Variants in B9D1 observed in about 807,000 individuals in gnomAD.
B9D1 encodes the protein B9 domain-containing protein 1.
A neutral mutation model predicts 26.1 loss-of-function variants in B9D1; 20 were observed. That is an observed-to-expected ratio of 0.77 (90% CI 0.54 to 1.12). The LOEUF (loss-of-function observed/expected upper bound fraction) is 1.12. B9D1 is among the 50% of genes most tolerant of loss of function. The pLI, the probability that B9D1 is intolerant of heterozygous loss-of-function variation, is 0.00. For missense variants in B9D1, 260 were observed against 273.7 expected (o/e 0.95, Z 0.35); for synonymous variants, 105 against 103.1 (o/e 1.02, Z -0.11).
chr17:19,347,724 G>T lies in B9D1; in HGVS notation c.341+60C>A. ...CCAGCCTGAACCTAAGACAGAAAAC[G>T]AGGTGAAGTCTGTCCTAGGACAAGT... On this transcript the variant is annotated intron_variant, in intron 4 of 6. Coordinates refer to ENST00000261499, the MANE Select transcript of B9D1 (RefSeq NM_015681.6). This position sits in a 1 kb window ranked among gnomAD's most constrained non-coding sequence, Gnocchi z 4.3. The T allele has an allele frequency of 6.6e-7, 1 of 1,514,290 alleles. No individual in the cohort carries two copies. The highest frequency in any genetic ancestry group is 1.1e-5 in the South Asian group (1 of 87,548). The allele number at this position is 1,514,290 out of a possible 1,614,324, so 93.8% of individuals were successfully genotyped here.
downstream of B9D1, chr17:19,334,905 A>G (rs1334395051): frequency 6.5e-6 from 1 of 154,136 alleles, no homozygotes; most frequent in South Asian, 2.0e-4. This position sits in a 1 kb window ranked among gnomAD's most constrained non-coding sequence, Gnocchi z 4.9. Context: ...AGAATTATCT[A>G]ATAGTCTTTT....
At position 19,352,741 on chromosome 17, in the gene B9D1, G is replaced by A. The variant is rs190748513; in HGVS notation, c.245-4861C>T. Among the ~76,000 whole-genome samples, 11 of 151,990 alleles carry A rather than the reference G, an allele frequency of 7.2e-5. No individual in the cohort carries two copies. The East Asian group carries it at 1.5e-3, about 21-fold the overall frequency. On this transcript the variant is annotated intron_variant, in intron 3 of 6. Transcript: ENST00000261499. ...TCTCCATGTTGGCCAGGCTGGTCTC[G>A]AACTCCCGACCTCAGGGGATCCGCC...
In B9D1 at chr17:19,343,869, G is replaced by C. The variant is rs754635538; in HGVS notation, c.405-12C>G. 12 of 1,613,850 alleles carry C rather than the reference G, an allele frequency of 7.4e-6. No individual in the cohort carries two copies. Among genetic ancestry groups the C allele is most frequent in the South Asian group, 2.2e-5 (2 of 91,074 alleles). ...GCCCCATGAACCAGCTGGGAACACA[G>C]AAGAACACAGGTGAGCAGGGCCCCA... On this transcript the variant is annotated splice_polypyrimidine_tract_variant and intron_variant, in intron 5 of 6. Coordinates refer to ENST00000261499, the MANE Select transcript of B9D1 (RefSeq NM_015681.6).
intron 1 of B9D1, among the ~76,000 whole-genome samples, chr17:19,361,021 T>C (rs1182523169): frequency 1.3e-5 from 2 of 152,074 alleles, no homozygotes; most frequent in Non-Finnish European, 2.9e-5. Flanking sequence ...GTCAGATCAG[T>C]GGCGGCATTA....
At chr17:19,368,335 C>A (rs1911704038) in intron 1 of B9D1, among the ~76,000 whole-genome samples, 1 of 152,166 alleles carries the variant, frequency 6.6e-6, no homozygotes, top group African/African-American at 2.4e-5. Context: ...CTAGGCATGC[C>A]CCCTTTACCC....
chr17:19,360,510 G>T (rs974136787), intron 1 of B9D1, 122 bp from the exon 2 acceptor site: 13 of 831,638 alleles, frequency 1.6e-5, no homozygotes, highest in African/African-American at 3.3e-5. Context: ...TCTAAGAGAC[G>T]GCTGGAGATG....
chr17:19,360,252 G>T, intron 2 of B9D1, 68 bp downstream of exon 2: 1 of 1,431,400 alleles, frequency 7.0e-7, no homozygotes, highest in Non-Finnish European at 9.9e-7. Context: ...GGGAGGGGAA[G>T]GATATGACAC....
chr17:19,342,200 C>T (rs1336980152), downstream of B9D1, among the ~76,000 whole-genome samples: 1 of 152,114 alleles, frequency 6.6e-6, no homozygotes, highest in Non-Finnish European at 1.5e-5. Flanking sequence ...TCAGTAAGGC[C>T]AGAAGGCAGA....
intron 1 of B9D1, chr17:19,371,979 G>C: frequency 6.6e-6 from 1 of 152,244 alleles, no homozygotes; most frequent in East Asian, 1.9e-4. Context: ...TGTGTGTAAA[G>C]AAGGAAAACC....
intron 5 of B9D1, chr17:19,344,556 G>C (rs774677239): frequency 1.6e-5 from 4 of 247,848 alleles, no homozygotes; most frequent in South Asian, 1.3e-4. Flanking sequence ...ACTATTCCCG[G>C]CCGGGTGGGT....
chr17:19,347,037 CAA>C lies in B9D1; in HGVS notation c.404+230_404+231del, dbSNP rs558349519. On this transcript the variant is annotated intron_variant, in intron 5 of 6. Coordinates refer to ENST00000261499, the MANE Select transcript of B9D1 (RefSeq NM_015681.6). This position sits in a 1 kb window ranked among gnomAD's most constrained non-coding sequence, Gnocchi z 4.3. ...AGTTTTTCCTCTGCTCCCTCAGACA[CAA>C]AGATTTTTCACAGGGCACAGGGTAA... 1 of 1,547,572 alleles carries C rather than the reference CAA, an allele frequency of 6.5e-7. No individual in the cohort carries two copies. The highest frequency in any genetic ancestry group is 1.2e-5 in the South Asian group (1 of 83,782).
chr17:19,353,353 A>C, intron 3 of B9D1, among the ~76,000 whole-genome samples: 1 of 151,870 alleles, frequency 6.6e-6, no homozygotes, highest in South Asian at 2.1e-4. Flanking sequence ...AAATTACAAA[A>C]TTGGTCAGGC....
chr17:19,342,800 G>C (rs530922349), downstream of B9D1, among the ~76,000 whole-genome samples: 3 of 152,158 alleles, frequency 2.0e-5, no homozygotes, highest in African/African-American at 7.2e-5. Context: ...GCCATCCCCC[G>C]GGGTACCTCA....
At chr17:19,375,220 G>A (rs1402936704) in intron 1 of B9D1, among the ~76,000 whole-genome samples, 2 of 151,632 alleles carry the variant, frequency 1.3e-5, no homozygotes, top group African/African-American at 4.8e-5. Context: ...AGCTTGGGAG[G>A]CGGAGGCTGC....
intron 3 of B9D1, 190 bp downstream of exon 3, chr17:19,357,650 G>C (rs1159489052): frequency 3.1e-6 from 2 of 638,758 alleles, no homozygotes; most frequent in East Asian, 2.8e-5. Context: ...GCAGATGAAG[G>C]GGGTGAGTGG....
In B9D1 at chr17:19,360,374, A is replaced by C; in HGVS notation, c.78T>G (p.Asp26Glu). ...QVESAQFPEYDDLYCKYCFVY... is the reference protein window; with the variant it reads ...QVESAQFPEYEDLYCKYCFVY... Reference sequence around the variant, plus strand: ...CAAAGCAGTACTTGCAGTAGAGGTCATCATACTCTGGAAACTGAAAAAAGC... The same window carrying C: ...CAAAGCAGTACTTGCAGTAGAGGTCCTCATACTCTGGAAACTGAAAAAAGC... Residue 26 changes from aspartate to glutamate, a missense_variant, in exon 2 of 7, where the codon GAT becomes GAG. Asp to Glu is a conservative substitution (Grantham distance 45). Transcript: ENST00000261499. 1 of 1,613,900 alleles carries C rather than the reference A, an allele frequency of 6.2e-7. No individual in the cohort carries two copies.
Position 19,343,405 on chromosome 17 carries a change from C to A in B9D1, c.529G>T (p.Asp177Tyr), listed in dbSNP as rs1309922077. The A allele has an allele frequency of 1.2e-6, 2 of 1,614,150 alleles. No individual in the cohort carries two copies. The highest frequency in any genetic ancestry group is 1.7e-6 in the Non-Finnish European group (2 of 1,180,016). Reference protein sequence around the residue: ...VTLLFNVVTKDMRKLGYDTGP... With the variant: ...VTLLFNVVTKYMRKLGYDTGP... ...GTGTCATAGCCCAGTTTCCTCATGT[C>A]CTTGGTCACCACGTTGAAGAGGAGG... is the stretch of plus-strand genomic sequence containing the variant. Residue 177 changes from aspartate (D) to tyrosine (Y), a missense_variant, in exon 7 of 7, where the codon GAC (aspartate) becomes TAC (tyrosine). By Grantham distance (160) the Asp-to-Tyr change is radical. Coordinates refer to ENST00000261499, the MANE Select transcript of B9D1 (RefSeq NM_015681.6).
At chr17:19,344,811 G>A (rs1908534051) in intron 5 of B9D1, among the ~76,000 whole-genome samples, 1 of 152,244 alleles carries the variant, frequency 6.6e-6, no homozygotes, top group African/African-American at 2.4e-5. Flanking sequence ...GAGTTGGCCT[G>A]TGGAGACCAC....
intron 3 of B9D1, 192 bp downstream of exon 3, chr17:19,357,648 A>AG (rs1467787884): frequency 4.7e-6 from 3 of 635,148 alleles, no homozygotes; most frequent in Non-Finnish European, 8.7e-6. Context: ...TAGCAGATGA[A>AG]GGGGGTGAGT....
Sources: allele counts gnomAD v4.1 joint callset (sites outside exome capture counted in the v4.1 genomes callset), GRCh38; gene constraint gnomAD v4.1.1; non-coding constraint Gnocchi (gnomAD v3.1); transcripts MANE v1.5; gene names NCBI Gene and HGNC (gene_info 2026-07-23, HGNC 2026-07-21).